Variants in POF1B observed in about 807,000 individuals in gnomAD.
POF1B encodes protein POF1B.
Under a neutral mutation model 55.3 loss-of-function variants are expected in POF1B, and 53 were observed. That is an observed-to-expected ratio of 0.96 (90% confidence interval 0.77 to 1.20). The LOEUF (loss-of-function observed/expected upper bound fraction) is 1.20, where lower values mean the gene tolerates loss of function less well. Among genes scored for constraint, POF1B ranks in the 50% most tolerant of loss-of-function variants. The pLI is 0.00. For synonymous variants in POF1B, 188 were observed against 148.3 expected, an observed-to-expected ratio of 1.27 and a Z score of -1.95; for missense variants, 478 against 420.5, an observed-to-expected ratio of 1.14 and a Z score of -1.20.
At position 85,351,397 on chromosome X, in the gene POF1B, T is replaced by C. The variant is rs1933384483; in HGVS notation, c.493A>G (p.Ile165Val). The C allele has an allele frequency of 1.7e-6, 2 of 1,199,885 alleles. No individual in the cohort carries two copies. Among genetic ancestry groups the C allele is most frequent in the East Asian group, 3.0e-5 (1 of 33,534 alleles). The change falls in exon 5 of 17, where the codon ATT becomes GTT. Residue 165 changes from isoleucine (I) to valine (V), a missense_variant. By Grantham distance (29) the Ile-to-Val change is conservative (BLOSUM62 3). Coordinates refer to ENST00000262753, the MANE Select transcript of POF1B (RefSeq NM_024921.4). ...GSHFFPGNNV[I>V]YEKTIRKVEK... ...ACTTTTCTTATTGTTTTTTCATAAA[T>C]AACATTGTTTCCTGGGAAGAAATGG...
At chrX:85,354,571 C>G (rs1040533697) in intron 4 of POF1B, among the ~76,000 whole-genome samples, 2 of 110,800 alleles carry the variant, frequency 1.8e-5, no homozygotes, top group African/African-American at 6.6e-5. Context: ...TCATCTCAGC[C>G]CAAAATCTCC....
rs1230777194 is a variant in POF1B at position 85,360,564 on chromosome X, T to TAC, written c.358-935_358-934insGT. Among the ~76,000 whole-genome samples, 35 of 80,943 alleles carry TAC rather than the reference T, an allele frequency of 4.3e-4. 1 individual carries two copies. Among genetic ancestry groups the TAC allele is most frequent in the African/African-American group, 2.9e-3 (33 of 11,309 alleles). 70.3% of individuals were successfully genotyped at this position (80,943 alleles called of 115,157 possible). ...ATATATATATATATATATATACATA[T>TAC]ATACACATTTTCTTTATCCAATCTG... On this transcript the variant is annotated intron_variant, in intron 3 of 16. Transcript: ENST00000262753.
At chrX:85,323,393 A>G (rs1309378126) in intron 7 of POF1B, among the ~76,000 whole-genome samples, 5 of 105,853 alleles carry the variant, frequency 4.7e-5, no homozygotes, top group Non-Finnish European at 9.7e-5. Flanking sequence ...GGAATTGAAC[A>G]ATGAGAACAC....
chrX:85,324,695 T>C (rs1160142320), intron 7 of POF1B, among the ~76,000 whole-genome samples: 2 of 111,355 alleles, frequency 1.8e-5, no homozygotes, highest in Non-Finnish European at 3.8e-5. Context: ...ATTGGGGCAT[T>C]TAGCTCATTT....
At chrX:85,350,795 T>A (rs973919867) in intron 5 of POF1B, among the ~76,000 whole-genome samples, 2 of 111,381 alleles carry the variant, frequency 1.8e-5, no homozygotes, top group Non-Finnish European at 3.8e-5. Flanking sequence ...AGGTACCATC[T>A]CACACCAGTT....
chrX:85,328,212 A>T (rs200334269), intron 7 of POF1B, among the ~76,000 whole-genome samples: 1 of 99,865 alleles, frequency 1.0e-5, no homozygotes, highest in Non-Finnish European at 2.0e-5. Context: ...TTATTTATTT[A>T]TTTATTTTTT....
chrX:85,325,374 T>C (rs960056185), intron 7 of POF1B, among the ~76,000 whole-genome samples: 1 of 111,970 alleles, frequency 8.9e-6, no homozygotes, highest in Non-Finnish European at 1.9e-5. Flanking sequence ...GTTTTGTTCA[T>C]CCTTCTTTAT....
intron 4 of POF1B, among the ~76,000 whole-genome samples, chrX:85,356,036 A>G (rs1162659373): frequency 9.0e-6 from 1 of 111,550 alleles, no homozygotes; most frequent in Admixed American, 9.5e-5. Context: ...ACTATTCACA[A>G]TAGCAAAGAC....
At chrX:85,322,899 C>T (rs1174376591) in intron 7 of POF1B, among the ~76,000 whole-genome samples, 5 of 110,741 alleles carry the variant, frequency 4.5e-5, no homozygotes, top group Non-Finnish European at 7.6e-5. Flanking sequence ...AATGAGATAC[C>T]ATCTCACACC....
rs778897127 is a variant in POF1B, at chrX:85,330,943, C to T, written c.854+6G>A. The T allele has an allele frequency of 1.1e-4, 132 of 1,170,381 alleles. 1 individual carries two copies. The highest frequency in any genetic ancestry group is 1.4e-4 in the Non-Finnish European group (126 of 875,554). ...AACATCAAGGCAAATAATATGTTTA[C>T]AGTACCTTCCTCCAATTCTCTGCAA... On this transcript the variant is annotated splice_donor_region_variant and intron_variant, in intron 7 of 16. Transcript: ENST00000262753.
intron 6 of POF1B, among the ~76,000 whole-genome samples, chrX:85,344,900 A>T (rs756676022): frequency 8.9e-6 from 1 of 111,762 alleles, no homozygotes; most frequent in Non-Finnish European, 1.9e-5. Context: ...TGCAGATGTG[A>T]GTCACCGAAC....
intron 4 of POF1B, among the ~76,000 whole-genome samples, chrX:85,356,763 A>G (rs771799595): frequency 8.1e-5 from 9 of 111,437 alleles, no homozygotes; most frequent in Non-Finnish European, 1.3e-4. Context: ...AATTGGTGCC[A>G]GATCCACCCT....
Position 85,304,437 on chromosome X carries a change from T to C in POF1B, c.1472A>G (p.Lys491Arg). 1 of 1,178,570 alleles carries C rather than the reference T, an allele frequency of 8.5e-7. No homozygotes were observed. Among genetic ancestry groups the C allele is most frequent in the Non-Finnish European group, 1.1e-6 (1 of 875,107 alleles). Residue 491 changes from lysine to arginine, a missense_variant, in exon 14 of 17, where the codon AAG (lysine) becomes AGG (arginine). Transcript: ENST00000262753. ...GAAGTCACTACAACTTCCTTCTCTC[T>C]TTGAAACATCTTTATGGTACTGGTT... ...QLNQYHKDVSKREGSCSDFQF... is the reference protein window; with the variant it reads ...QLNQYHKDVSRREGSCSDFQF...
intron 4 of POF1B, among the ~76,000 whole-genome samples, chrX:85,354,361 C>T (rs1313339843): frequency 2.7e-5 from 3 of 110,618 alleles, no homozygotes; most frequent in Non-Finnish European, 5.7e-5. Flanking sequence ...ATCTTGAGTA[C>T]CACATAGTGA....
At chrX:85,316,096 T>A (rs1175056612) in intron 7 of POF1B, among the ~76,000 whole-genome samples, 1 of 111,437 alleles carries the variant, frequency 9.0e-6, no homozygotes, top group Non-Finnish European at 1.9e-5. Context: ...CCTTTATCTC[T>A]CTATTTCCAC....
chrX:85,299,352 G>C lies in POF1B; in HGVS notation c.1649+4054C>G, dbSNP rs779408783. Reference sequence around the variant, plus strand: ...CGCCCAGGCTGGAGTGCAGTGGCTCGATCTCGGCTCACTGCAAGCTCCGCC... The same window carrying C: ...CGCCCAGGCTGGAGTGCAGTGGCTCCATCTCGGCTCACTGCAAGCTCCGCC... On this transcript the variant is annotated intron_variant, in intron 15 of 16. Transcript: ENST00000262753. Among the ~76,000 whole-genome samples, 4 of 101,085 alleles carry C rather than the reference G, an allele frequency of 4.0e-5. No homozygotes were observed. In the South Asian group the frequency reaches 2.0e-3, roughly 49 times the overall value. The allele number at this position is 101,085 out of a possible 115,157, so 87.8% of individuals were successfully genotyped here.
chrX:85,326,327 G>A (rs1932896414), intron 7 of POF1B, among the ~76,000 whole-genome samples: 1 of 111,408 alleles, frequency 9.0e-6, no homozygotes, highest in African/African-American at 3.3e-5. Context: ...GCGTTTGCCC[G>A]GCAGTGGTGT....
chrX:85,371,466 A>C (rs756158914), intron 2 of POF1B, among the ~76,000 whole-genome samples: 194 of 111,345 alleles, frequency 1.7e-3, no homozygotes, highest in African/African-American at 6.1e-3. Flanking sequence ...CATTACATAA[A>C]CAAGTGAAGT....
At chrX:85,360,567 A>ATATATATATATATAT in intron 3 of POF1B, among the ~76,000 whole-genome samples, 2 of 79,588 alleles carry the variant, frequency 2.5e-5, no homozygotes, top group Admixed American at 1.3e-4. Flanking sequence ...ATACATATAT[A>ATATATATATATATAT]CACATTTTCT....
Sources: gnomAD v4.1 joint callset for allele counts (sites outside exome capture counted in the v4.1 genomes callset) on GRCh38, gnomAD v4.1.1 for gene constraint, MANE v1.5 for transcripts, NCBI Gene and HGNC (gene_info 2026-07-23, HGNC 2026-07-21) for gene names.